SLC24A3: variants seen among roughly 807,000 people sequenced by gnomAD.
The protein encoded by SLC24A3 is sodium/potassium/calcium exchanger 3.
SLC24A3 carries 28 observed loss-of-function variants against 75.8 expected under a neutral mutation model. The ratio of observed to expected loss-of-function variants is 0.37; its 90% confidence interval spans 0.27 to 0.51. The LOEUF is 0.51. Among genes scored for constraint, SLC24A3 ranks in the 20% least tolerant of loss-of-function variants. SLC24A3 has a pLI of 0.94. For missense variants in SLC24A3, 663 were observed against 847.8 expected (o/e 0.78, Z 2.71); for synonymous variants, 372 against 334.1 (o/e 1.11, Z -1.24).
chr20:19,221,675 A>G lies in SLC24A3; in HGVS notation c.142+8691A>G, dbSNP rs538021096. Among the ~76,000 whole-genome samples, 31 of 152,260 alleles carry G rather than the reference A, an allele frequency of 2.0e-4. 1 individual carries two copies. Among genetic ancestry groups the G allele is most frequent in the Middle Eastern group, 3.4e-3 (1 of 294 alleles). ...ATTGCTTGAATGTCTTCTAGCTTCCATTGTTGCCTCTGAGAAATCTGCTGC... is the reference window on the plus strand; with the variant it reads ...ATTGCTTGAATGTCTTCTAGCTTCCGTTGTTGCCTCTGAGAAATCTGCTGC... On this transcript the variant is annotated intron_variant, in intron 1 of 16. Transcript: ENST00000328041.
intron 9 of SLC24A3, among the ~76,000 whole-genome samples, chr20:19,677,686 C>CTTTTTTTTTTTTTT (rs796484728): frequency 1.8e-5 from 2 of 113,924 alleles, no homozygotes; most frequent in African/African-American, 3.3e-5. Context: ...TTTTTTTTTT[C>CTTTTTTTTTTTTTT]TTTTTTTTTT....
At chr20:19,399,431 A>G (rs1361707975) in intron 2 of SLC24A3, among the ~76,000 whole-genome samples, 1 of 152,140 alleles carries the variant, frequency 6.6e-6, no homozygotes, top group African/African-American at 2.4e-5. Context: ...GCAATGTTTG[A>G]TATGGTATGT....
Position 19,673,070 on chromosome 20 carries a change from C to T in SLC24A3, c.714-531C>T, listed in dbSNP as rs1164206388. On this transcript the variant is annotated intron_variant, in intron 8 of 16. Transcript: ENST00000328041. ...TAGCAGGTTTTTCTTTTCTTCCTTC[C>T]TGTGGAATGTTTTCCCACTTATTCC... Among the ~76,000 whole-genome samples the T allele has an allele frequency of 2.0e-5, 3 of 152,320 alleles. No individual in the cohort carries two copies. In the South Asian group the frequency reaches 6.2e-4, roughly 32 times the overall value.
At chr20:19,304,762 A>G (rs1180813085) in intron 2 of SLC24A3, among the ~76,000 whole-genome samples, 4 of 152,204 alleles carry the variant, frequency 2.6e-5, no homozygotes, top group Admixed American at 6.5e-5. Context: ...TTACCAACAA[A>G]AGCAGAGAAA....
chr20:19,654,810 G>A (rs940978874), intron 7 of SLC24A3, among the ~76,000 whole-genome samples: 1 of 151,886 alleles, frequency 6.6e-6, no homozygotes, highest in Non-Finnish European at 1.5e-5. Flanking sequence ...ACCACGGCTG[G>A]CTAATTTTTG....
chr20:19,425,881 C>T (rs770570657), intron 2 of SLC24A3, among the ~76,000 whole-genome samples: 30 of 152,168 alleles, frequency 2.0e-4, no homozygotes, highest in Non-Finnish European at 3.8e-4. Flanking sequence ...CAAGCCAGCT[C>T]GTGTGCCTTG....
intron 3 of SLC24A3, among the ~76,000 whole-genome samples, chr20:19,546,747 G>A (rs1171612635): frequency 6.7e-6 from 1 of 150,114 alleles, no homozygotes; most frequent in Admixed American, 6.7e-5. Flanking sequence ...TCCAGAACTT[G>A]CCTTCCCAAC....
At chr20:19,223,693 T>C (rs905843937) in intron 1 of SLC24A3, among the ~76,000 whole-genome samples, 7 of 137,644 alleles carry the variant, frequency 5.1e-5, no homozygotes, top group African/African-American at 1.5e-4. Flanking sequence ...TCTCAAAATA[T>C]CTTCTTGTAC....
At chr20:19,606,017 A>G (rs1293235633) in intron 6 of SLC24A3, among the ~76,000 whole-genome samples, 1 of 152,206 alleles carries the variant, frequency 6.6e-6, no homozygotes, top group Non-Finnish European at 1.5e-5. Flanking sequence ...GTCTCATGAT[A>G]TCCCCCAGCT....
intron 2 of SLC24A3, among the ~76,000 whole-genome samples, chr20:19,481,283 A>G (rs1443922130): frequency 6.6e-6 from 1 of 152,238 alleles, no homozygotes; most frequent in African/African-American, 2.4e-5. Context: ...ATAACTATTG[A>G]GCAGTGACTA....
intron 6 of SLC24A3, among the ~76,000 whole-genome samples, chr20:19,648,733 G>A (rs1253172428): frequency 6.6e-6 from 1 of 152,152 alleles, no homozygotes; most frequent in African/African-American, 2.4e-5. Context: ...AGAAGAGAAT[G>A]TGTTGTTTTA....
chr20:19,659,284 C>T (rs1368691321), intron 7 of SLC24A3, among the ~76,000 whole-genome samples: 3 of 152,230 alleles, frequency 2.0e-5, no homozygotes, highest in Non-Finnish European at 1.5e-5. Context: ...ACGTCTCCTT[C>T]CTTCCCTGGG....
At chr20:19,413,796 C>T (rs1398008395) in intron 2 of SLC24A3, among the ~76,000 whole-genome samples, 6 of 152,146 alleles carry the variant, frequency 3.9e-5, no homozygotes, top group Non-Finnish European at 1.5e-5. Context: ...TGAAAGAAAT[C>T]ATCATGGAAT....
rs79468112 is a variant in SLC24A3, at chr20:19,511,042, G to A, written c.272-4446G>A. ...TAAACAGTGACAGGCAGGCGTCAGT[G>A]GACGGAGCCCCCCACCCTGCTGCTG... On this transcript the variant is annotated intron_variant, in intron 2 of 16. Transcript: ENST00000328041. Among the ~76,000 whole-genome samples, 489 of 152,282 alleles carry A rather than the reference G, an allele frequency of 3.2e-3. 4 individuals are homozygous for A. The highest frequency in any genetic ancestry group is 0.011 in the African/African-American group (462 of 41,562).
intron 6 of SLC24A3, among the ~76,000 whole-genome samples, chr20:19,618,669 C>T (rs1295457179): frequency 6.6e-6 from 1 of 152,190 alleles, no homozygotes; most frequent in East Asian, 1.9e-4. Flanking sequence ...TCTTGTGCCT[C>T]TGTTACCACA....
chr20:19,507,315 C>T (rs144647874), intron 2 of SLC24A3, among the ~76,000 whole-genome samples: 11 of 152,322 alleles, frequency 7.2e-5, no homozygotes, highest in African/African-American at 2.4e-4. Context: ...AGGCAAACAA[C>T]GTGCAAAAGG....
intron 2 of SLC24A3, among the ~76,000 whole-genome samples, chr20:19,389,351 CTTTT>C (rs1483683475): frequency 1.3e-5 from 2 of 152,048 alleles, no homozygotes; most frequent in Admixed American, 1.3e-4. Flanking sequence ...TGTTAGTATT[CTTTT>C]GTTTCTACTT....
chr20:19,689,403 T>C (rs1006855924), intron 12 of SLC24A3, among the ~76,000 whole-genome samples: 1 of 152,220 alleles, frequency 6.6e-6, no homozygotes, highest in Non-Finnish European at 1.5e-5. Flanking sequence ...GATACTATCA[T>C]GCTTACGGGC....
intron 2 of SLC24A3, among the ~76,000 whole-genome samples, chr20:19,495,983 A>G (rs1988279758): frequency 6.6e-6 from 1 of 152,192 alleles, no homozygotes; most frequent in African/African-American, 2.4e-5. Context: ...TTTAAAAACA[A>G]TGTGACAGAA....
Sources: gnomAD v4.1 joint callset for allele counts (sites outside exome capture counted in the v4.1 genomes callset) on GRCh38, gnomAD v4.1.1 for gene constraint, MANE v1.5 for transcripts, NCBI Gene and HGNC (gene_info 2026-07-23, HGNC 2026-07-21) for gene names.